ROR1: variants seen among roughly 807,000 people sequenced by gnomAD.
The protein encoded by ROR1 is inactive tyrosine-protein kinase transmembrane receptor ROR1.
Under a neutral mutation model 78.8 loss-of-function variants are expected in ROR1, and 19 were observed. The ratio of observed to expected loss-of-function variants is 0.24; its 90% CI spans 0.17 to 0.35. ROR1 has a LOEUF of 0.35. Ranked by LOEUF, ROR1 falls within the 10% of genes least tolerant of loss-of-function variation. The pLI is 1.00. For missense variants in ROR1, 917 were observed against 1,177.8 expected, an observed-to-expected ratio of 0.78 and a Z score of 3.24; for synonymous variants, 386 against 433.6, an observed-to-expected ratio of 0.89 and a Z score of 1.36.
Position 64,025,127 on chromosome 1 carries a change from A to G in ROR1, c.163+15751A>G, listed in dbSNP as rs116422358. ...TATTTTCTTTAAGGTGTTATAAGTA[A>G]TCACTTCCTTTTCAGTCTGAATCAA... On this transcript the variant is annotated intron_variant, in intron 2 of 8. Transcript: ENST00000371079. 6.1e-3 allele frequency among the ~76,000 whole-genome samples: 934 copies of G among 152,320 alleles called. 10 individuals carry two copies. Among genetic ancestry groups the G allele is most frequent in the African/African-American group, 0.021 (884 of 41,558 alleles).
chr1:63,914,523 T>C (rs937299614), intron 1 of ROR1, among the ~76,000 whole-genome samples: 1 of 152,172 alleles, frequency 6.6e-6, no homozygotes, highest in African/African-American at 2.4e-5. Flanking sequence ...TTGGGAGCTG[T>C]TATGCAAAGC....
chr1:63,904,429 G>A (rs945400551), intron 1 of ROR1, among the ~76,000 whole-genome samples: 1 of 152,184 alleles, frequency 6.6e-6, no homozygotes. Flanking sequence ...GGTGGCCCCT[G>A]TGCTTCATAG....
Position 64,179,091 on chromosome 1 carries a change from A to G in ROR1, c.*236A>G, listed in dbSNP as rs1650482169. ...TGGGATGTGCACTCCATTGGAGTGC[A>G]TGACATGGCATTGGGATTGGAACAT... On this transcript the variant is annotated 3_prime_UTR_variant, in exon 9 of 9. Transcript: ENST00000371079. 4.8e-6 allele frequency: 2 copies of G among 412,400 alleles called. No homozygotes were observed. Among genetic ancestry groups the G allele is most frequent in the East Asian group, 4.2e-5 (1 of 23,926 alleles). The allele number at this position is 412,400 out of a possible 1,614,324, so 25.5% of individuals were successfully genotyped here.
At chr1:63,843,164 T>C in intron 1 of ROR1, 3 of 1,027,260 alleles carry the variant, frequency 2.9e-6, no homozygotes, top group Non-Finnish European at 4.5e-6. Context: ...GGCTGCCAGA[T>C]GCTCCAGGCA....
At chr1:64,036,342 A>C (rs1291943398) in intron 2 of ROR1, among the ~76,000 whole-genome samples, 1 of 152,110 alleles carries the variant, frequency 6.6e-6, no homozygotes, top group Non-Finnish European at 1.5e-5. Context: ...GTCCTCAACA[A>C]ACTCACAGTG....
chr1:63,851,968 C>T (rs1338509501), intron 1 of ROR1, among the ~76,000 whole-genome samples: 2 of 152,204 alleles, frequency 1.3e-5, no homozygotes, highest in Non-Finnish European at 2.9e-5. Context: ...ATTTGAGCTT[C>T]GCTCATTGGA....
Position 64,097,045 on chromosome 1 carries a change from A to G in ROR1, c.483-40324A>G, listed in dbSNP as rs181262001. On this transcript the variant is annotated intron_variant, in intron 4 of 8. Transcript: ENST00000371079. Reference sequence around the variant, plus strand: ...TGGTATGTTAGTTTCCTCATTTGCTAAATTAATTTTTTAATGGCTACTCTA... The same window carrying G: ...TGGTATGTTAGTTTCCTCATTTGCTGAATTAATTTTTTAATGGCTACTCTA... Among the ~76,000 whole-genome samples, 361 of 152,212 alleles carry G rather than the reference A, an allele frequency of 2.4e-3. 1 individual carries two copies. Among genetic ancestry groups the G allele is most frequent in the African/African-American group, 8.5e-3 (353 of 41,538 alleles).
chr1:63,878,866 G>T (rs1004701531), intron 1 of ROR1, among the ~76,000 whole-genome samples: 1 of 152,130 alleles, frequency 6.6e-6, no homozygotes, highest in Non-Finnish European at 1.5e-5. Context: ...GGAGAGTGCA[G>T]ACCGCAGCCT....
At chr1:64,071,272 A>C (rs1043077634) in intron 4 of ROR1, among the ~76,000 whole-genome samples, 1 of 152,040 alleles carries the variant, frequency 6.6e-6, no homozygotes, top group Non-Finnish European at 1.5e-5. Context: ...TGGGAAGAGC[A>C]CTCTGGCATC....
At chr1:63,976,367 A>G (rs923038866) in intron 1 of ROR1, among the ~76,000 whole-genome samples, 3 of 152,158 alleles carry the variant, frequency 2.0e-5, no homozygotes, top group African/African-American at 7.2e-5. Context: ...CCATCTCTCT[A>G]TATGTTTAAG....
rs375225401 is a variant in ROR1, at chr1:63,983,696, G to A, written c.92-25609G>A. Among the ~76,000 whole-genome samples, 44 of 152,230 alleles carry A rather than the reference G, an allele frequency of 2.9e-4. 1 individual carries two copies. Among genetic ancestry groups the A allele is most frequent in the African/African-American group, 1.0e-3 (43 of 41,540 alleles). On this transcript the variant is annotated intron_variant, in intron 1 of 8. Transcript: ENST00000371079. ...TCACAGCATTAAAACTGCCTTTAGC[G>A]CCTCATTGTCCAAAAGGACAATGTC...
At chr1:64,067,435 C>A (rs1569670192) in intron 4 of ROR1, among the ~76,000 whole-genome samples, 3 of 135,960 alleles carry the variant, frequency 2.2e-5, no homozygotes, top group Admixed American at 1.5e-4. Flanking sequence ...ACAGAGCGAG[C>A]CTCCGTCTCA....
In ROR1 at chr1:64,084,387, A is replaced by T. The variant is rs191070104; in HGVS notation, c.482+33671A>T. On this transcript the variant is annotated intron_variant, in intron 4 of 8. Coordinates refer to ENST00000371079, the MANE Select transcript of ROR1 (RefSeq NM_005012.4). Reference sequence around the variant, plus strand: ...AGCTATCAAGGAAACTTTATTATTGATATTCTACAGAAAAAATCACGATTA... The same window carrying T: ...AGCTATCAAGGAAACTTTATTATTGTTATTCTACAGAAAAAATCACGATTA... Among the ~76,000 whole-genome samples, 14 of 152,340 alleles carry T rather than the reference A, an allele frequency of 9.2e-5. No homozygotes were observed. In the East Asian group the frequency reaches 2.5e-3, roughly 27 times the overall value.
chr1:64,147,205 T>C (rs748666330), intron 7 of ROR1, among the ~76,000 whole-genome samples: 6 of 152,188 alleles, frequency 3.9e-5, no homozygotes, highest in African/African-American at 1.2e-4. Context: ...TTAATCAGTA[T>C]AGCAATGTTG....
chr1:64,074,084 TTTA>T (rs200414180), intron 4 of ROR1, among the ~76,000 whole-genome samples: 4,466 of 152,214 alleles, frequency 0.029, 226 homozygotes, highest in African/African-American at 0.1. Flanking sequence ...CCAATGTCCA[TTTA>T]TTCTTCTTTT....
At chr1:64,142,703 T>A in intron 7 of ROR1, 53 bp downstream of exon 7, 1 of 1,600,724 alleles carries the variant, frequency 6.2e-7, no homozygotes, top group Non-Finnish European at 8.5e-7. Context: ...AAGATCCCTA[T>A]CCTACCCCTC....
At chr1:64,065,957 G>C (rs540707531) in intron 4 of ROR1, among the ~76,000 whole-genome samples, 1 of 152,300 alleles carries the variant, frequency 6.6e-6, no homozygotes, top group South Asian at 2.1e-4. Flanking sequence ...TAGTATGTAA[G>C]TCAGGAACCC....
intron 1 of ROR1, among the ~76,000 whole-genome samples, chr1:63,832,495 C>T (rs1299736593): frequency 6.6e-6 from 1 of 152,130 alleles, no homozygotes; most frequent in Non-Finnish European, 1.5e-5. Flanking sequence ...GATTACAATT[C>T]GAGATGAGAT....
rs907805261 is a variant in ROR1, at chr1:63,871,993, G to A, written c.91+97485G>A. ...TAATGAGATGCTGTTGAGATTTAAC[G>A]CCAATCTTATACTGCATTTGTCAAA... On this transcript the variant is annotated intron_variant, in intron 1 of 8. Coordinates refer to ENST00000371079, the MANE Select transcript of ROR1 (RefSeq NM_005012.4). 5.9e-5 allele frequency among the ~76,000 whole-genome samples: 9 copies of A among 152,252 alleles called. No homozygotes were observed. In the South Asian group the frequency reaches 6.2e-4, roughly 11 times the overall value.
Sources: gnomAD v4.1 joint callset for allele counts (sites outside exome capture counted in the v4.1 genomes callset) on GRCh38, gnomAD v4.1.1 for gene constraint, MANE v1.5 for transcripts, NCBI Gene and HGNC (gene_info 2026-07-23, HGNC 2026-07-21) for gene names.